The following DNAH8 variants were observed in gnomAD, a reference collection of about 807,000 sequenced individuals.
The protein encoded by DNAH8 is dynein axonemal heavy chain 8, also known as axonemal beta dynein heavy chain 8.
A neutral mutation model predicts 562.1 loss-of-function variants in DNAH8; 382 were observed. That is an observed-to-expected ratio of 0.68 (90% CI 0.63 to 0.74). DNAH8 has a LOEUF of 0.74. Ranked by LOEUF, DNAH8 falls within the 30% of genes least tolerant of loss-of-function variation. The probability of loss-of-function intolerance (pLI) is 0.00; values close to 1 mark genes in which losing one functional copy is unlikely to be tolerated. For missense variants in DNAH8, 5,203 were observed against 5,620.4 expected, an observed-to-expected ratio of 0.93 and a Z score of 2.37; for synonymous variants, 1,881 against 1,919.4, an observed-to-expected ratio of 0.98 and a Z score of 0.52.
At chr6:38,867,621 C>T (rs538803129) in intron 47 of DNAH8, among the ~76,000 whole-genome samples, 148 of 150,828 alleles carry the variant, frequency 9.8e-4, no homozygotes, top group Middle Eastern at 3.4e-3. Context: ...GGCGTGGTGG[C>T]ACGCGCCTAT....
chr6:38,962,972 G>C (rs12200706), intron 82 of DNAH8, among the ~76,000 whole-genome samples: 30,569 of 152,054 alleles, frequency 0.2, 4,052 homozygotes, highest in African/African-American at 0.38. Flanking sequence ...TGGGGACTGG[G>C]GAGAAAAGGT....
chr6:39,017,248 G>A (rs1766626233), intron 91 of DNAH8, among the ~76,000 whole-genome samples: 1 of 149,286 alleles, frequency 6.7e-6, no homozygotes. Context: ...CGCAAAGGAT[G>A]GCCCTGGTCT....
At chr6:38,868,746 C>A (rs1777256344) in intron 48 of DNAH8, among the ~76,000 whole-genome samples, 1 of 151,630 alleles carries the variant, frequency 6.6e-6, no homozygotes, top group Non-Finnish European at 1.5e-5. Context: ...TCTTGGCTCA[C>A]TGCAACCTCC....
At chr6:38,878,641 T>C (rs1295437097) in intron 53 of DNAH8, among the ~76,000 whole-genome samples, 1 of 152,148 alleles carries the variant, frequency 6.6e-6, no homozygotes, top group Non-Finnish European at 1.5e-5. Flanking sequence ...AGAACATCAC[T>C]ACAGTCCTCA....
At chr6:38,749,266 A>C (rs1380289228) in intron 8 of DNAH8, among the ~76,000 whole-genome samples, 2 of 152,162 alleles carry the variant, frequency 1.3e-5, no homozygotes, top group Non-Finnish European at 2.9e-5. Flanking sequence ...GCAAACTAAC[A>C]TAGGAACAGA....
At chr6:38,774,930 A>G (rs1184328817) in intron 12 of DNAH8, among the ~76,000 whole-genome samples, 2 of 152,188 alleles carry the variant, frequency 1.3e-5, no homozygotes, top group Non-Finnish European at 2.9e-5. Flanking sequence ...GAGTAAGAGC[A>G]ACAGTTGCTT....
chr6:38,856,061 C>G (rs1174839316), intron 41 of DNAH8, among the ~76,000 whole-genome samples: 2 of 152,184 alleles, frequency 1.3e-5, no homozygotes, highest in Non-Finnish European at 2.9e-5. Context: ...ACTTAGTCCT[C>G]CTACCTGGCT....
chr6:38,716,099 C>CA (rs924867474), intron 1 of DNAH8, among the ~76,000 whole-genome samples: 36 of 149,878 alleles, frequency 2.4e-4, no homozygotes, highest in Non-Finnish European at 4.0e-4. Flanking sequence ...GCTGGGGCTA[C>CA]AGGCACCCGC....
At chr6:38,719,023 G>A (rs1303059705) in intron 1 of DNAH8, among the ~76,000 whole-genome samples, 3 of 151,990 alleles carry the variant, frequency 2.0e-5, no homozygotes, top group African/African-American at 7.2e-5. Flanking sequence ...TGTCTATTTT[G>A]TCCACGTTTC....
intron 30 of DNAH8, among the ~76,000 whole-genome samples, chr6:38,831,884 G>A (rs1773863292): frequency 6.6e-6 from 1 of 151,128 alleles, no homozygotes; most frequent in South Asian, 2.1e-4. Flanking sequence ...GAGTATTTCA[G>A]GACCATTGTG....
intron 88 of DNAH8, among the ~76,000 whole-genome samples, chr6:38,997,123 T>A (rs1312558269): frequency 6.6e-6 from 1 of 152,174 alleles, no homozygotes; most frequent in East Asian, 1.9e-4. Flanking sequence ...CTTAGCCCAT[T>A]TCTGGTTCCT....
intron 58 of DNAH8, among the ~76,000 whole-genome samples, chr6:38,892,539 C>T (rs926708793): frequency 2.0e-5 from 3 of 152,090 alleles, no homozygotes; most frequent in African/African-American, 7.2e-5. Flanking sequence ...AGTGACCTCC[C>T]CTTCAAAATC....
Position 38,737,050 on chromosome 6 carries a change from A to T in DNAH8, c.763-17A>T. 6.6e-7 allele frequency: 1 copy of T among 1,503,814 alleles called. No individual in the cohort carries two copies. Among genetic ancestry groups the T allele is most frequent in the South Asian group, 1.4e-5 (1 of 70,428 alleles). 93.2% of individuals were successfully genotyped at this position (1,503,814 alleles called of 1,614,324 possible). On this transcript the variant is annotated splice_polypyrimidine_tract_variant and intron_variant, in intron 5 of 92. Coordinates refer to ENST00000327475, the MANE Select transcript of DNAH8 (RefSeq NM_001206927.2). ...GGGATTAGCATGTAAAATAACATTT[A>T]AACTCCACCCTTTCAGGAAGCGCTC...
intron 86 of DNAH8, among the ~76,000 whole-genome samples, chr6:38,982,788 T>A (rs758791376): frequency 1.3e-5 from 2 of 152,230 alleles, no homozygotes; most frequent in Non-Finnish European, 2.9e-5. Context: ...TCCTCAGAAG[T>A]GAAGATGGTA....
intron 75 of DNAH8, among the ~76,000 whole-genome samples, 157 bp from the exon 76 acceptor site, chr6:38,931,654 C>T (rs1317995213): frequency 1.3e-5 from 2 of 152,118 alleles, no homozygotes; most frequent in African/African-American, 4.8e-5. Context: ...ATTGAATAGG[C>T]TTTATTATTT....
At chr6:38,887,060 C>T (rs1008439786) in intron 57 of DNAH8, 56 bp downstream of exon 57, 3 of 1,291,208 alleles carry the variant, frequency 2.3e-6, no homozygotes, top group Non-Finnish European at 3.3e-6. Context: ...ATAAACCACA[C>T]AAAATTTCAT....
chr6:38,896,080 G>A lies in DNAH8; in HGVS notation c.8795G>A (p.Arg2932His), dbSNP rs202061074. Residue 2932 changes from arginine to histidine, a missense_variant, in exon 60 of 93, where the codon CGT becomes CAT. By Grantham distance (29) the Arg-to-His change is conservative. Transcript: ENST00000327475. ...CAGTGGTTTAATGCACATCTTACTCGTGCAGTTGAAGAAAATATTGGCTCT... is the reference window on the plus strand; with the variant it reads ...CAGTGGTTTAATGCACATCTTACTCATGCAGTTGAAGAAAATATTGGCTCT... ...DEQWFNAHLT[R>H]AVEENIGSDA... 5.2e-5 allele frequency: 84 copies of A among 1,613,878 alleles called. No homozygotes were observed. The highest frequency in any genetic ancestry group is 1.6e-4 in the Middle Eastern group (1 of 6,082).
intron 73 of DNAH8, 70 bp downstream of exon 73, chr6:38,924,232 G>C: frequency 1.3e-6 from 2 of 1,507,168 alleles, no homozygotes; most frequent in Non-Finnish European, 1.8e-6. Context: ...GAGAAACCCG[G>C]CTGGGTGTGG....
At chr6:38,907,073 G>T (rs1415848803) in intron 63 of DNAH8, among the ~76,000 whole-genome samples, 7 of 152,140 alleles carry the variant, frequency 4.6e-5, no homozygotes, top group Non-Finnish European at 8.8e-5. Flanking sequence ...TTTGAATAAG[G>T]GATGTTCAAC....
Sources: gnomAD v4.1 joint callset for allele counts (sites outside exome capture counted in the v4.1 genomes callset) on GRCh38, gnomAD v4.1.1 for gene constraint, MANE v1.5 for transcripts, NCBI Gene and HGNC (gene_info 2026-07-23, HGNC 2026-07-21) for gene names.